Variants in RFPL2 observed in about 807,000 individuals in gnomAD.
The protein encoded by RFPL2 is ret finger protein-like 2.
A neutral mutation model predicts 17.8 loss-of-function variants in RFPL2; 13 were observed. That is an observed-to-expected ratio of 0.73 (90% CI 0.47 to 1.16). The LOEUF (loss-of-function observed/expected upper bound fraction) is 1.16, where lower values mean the gene tolerates loss of function less well. RFPL2 is among the 50% of genes most tolerant of loss of function. The pLI, the probability that RFPL2 is intolerant of heterozygous loss-of-function variation, is 0.00. For missense variants in RFPL2, 431 were observed against 479.3 expected (o/e 0.90, Z 0.94); for synonymous variants, 189 against 180.9 (o/e 1.04, Z -0.36).
At chr22:32,202,967 G>T (rs1206302684) in intron 1 of RFPL2, 1 of 985,812 alleles carries the variant, frequency 1.0e-6, no homozygotes, top group Non-Finnish European at 1.2e-6. Flanking sequence ...AGCACCACGG[G>T]GCTGGGGCCC....
intron 2 of RFPL2, among the ~76,000 whole-genome samples, chr22:32,196,438 G>A (rs1019961618): frequency 7.9e-5 from 12 of 152,326 alleles, no homozygotes; most frequent in African/African-American, 2.9e-4. Context: ...GGGATTCAGT[G>A]TCTGAGCAAG....
At chr22:32,191,998 C>T (rs1922709241) in intron 4 of RFPL2, among the ~76,000 whole-genome samples, 1 of 152,000 alleles carries the variant, frequency 6.6e-6, no homozygotes, top group Admixed American at 6.6e-5. Flanking sequence ...TTATAGATTA[C>T]AGTAAGACTT....
chr22:32,197,123 G>A (rs1245397417), intron 2 of RFPL2, among the ~76,000 whole-genome samples: 1 of 152,154 alleles, frequency 6.6e-6, no homozygotes, highest in Non-Finnish European at 1.5e-5. Flanking sequence ...ATTAATCACA[G>A]GACAGATACT....
intron 2 of RFPL2, chr22:32,199,794 G>A (rs1040349006): frequency 8.9e-6 from 3 of 335,900 alleles, no homozygotes; most frequent in Non-Finnish European, 1.7e-5. Context: ...CTGAGACACT[G>A]TGGACCATGT....
intron 3 of RFPL2, 88 bp from the exon 4 acceptor site, chr22:32,193,280 G>A (rs3959624): frequency 6.2e-7 from 1 of 1,607,816 alleles, no homozygotes. Flanking sequence ...TTCATGCATA[G>A]AGGTATTGTG....
intron 2 of RFPL2, 27 bp downstream of exon 2, chr22:32,202,306 T>G: frequency 6.4e-7 from 1 of 1,567,222 alleles, no homozygotes; most frequent in Non-Finnish European, 8.7e-7. Flanking sequence ...CCTGGAGCAA[T>G]GCGGAAAACC....
chr22:32,203,083 C>G, intron 1 of RFPL2: 3 of 985,824 alleles, frequency 3.0e-6, no homozygotes, highest in South Asian at 4.7e-5. Flanking sequence ...ACCGCTGTCA[C>G]TGACACCTCC....
intron 2 of RFPL2, among the ~76,000 whole-genome samples, chr22:32,195,558 C>A (rs1285959519): frequency 6.6e-6 from 1 of 152,010 alleles, no homozygotes; most frequent in Non-Finnish European, 1.5e-5. Flanking sequence ...TGGGCTCAAG[C>A]AATTCTCCTG....
intron 2 of RFPL2, 102 bp downstream of exon 2, chr22:32,202,231 C>A: frequency 7.0e-7 from 1 of 1,428,894 alleles, no homozygotes; most frequent in Non-Finnish European, 9.5e-7. Context: ...TCCCTCCATC[C>A]CCACATCTCC....
rs774796078 is a variant in RFPL2 at position 32,192,903 on chromosome 22, T to C, written c.555A>G (p.Gln185=). The change falls in exon 4 of 5, where the codon CAA becomes CAG. Residue 185 remains glutamine (Q), a splice_region_variant and synonymous_variant. Coordinates refer to ENST00000652607, the MANE Select transcript of RFPL2 (RefSeq NM_001394555.1). The stretch of plus-strand genomic sequence containing the variant: ...GGGCAGGGTATACAGATGCCTTACC[T>C]TGGAACTTCCGCATCCTTGGGTTCA... ...LQMNPRMRKF[Q]VDMTLDANTA... is the part of the protein sequence containing the mutation. 2 of 1,608,936 alleles carry C rather than the reference T, an allele frequency of 1.2e-6. No individual in the cohort carries two copies. The highest frequency in any genetic ancestry group is 2.2e-5 in the South Asian group (2 of 90,044).
Position 32,205,062 on chromosome 22 carries a change from C to A in RFPL2, c.-455G>T, listed in dbSNP as rs1420239347. On this transcript the variant is annotated 5_prime_UTR_variant, in exon 1 of 5. Coordinates refer to ENST00000652607, the MANE Select transcript of RFPL2 (RefSeq NM_001394555.1). ...TTCCAGGCTCATCTGCGTCGGCCTG[C>A]GTAGCTGCTCTGTGCCCGGCTTAGA... 6.6e-6 allele frequency: 1 copy of A among 152,314 alleles called. No homozygotes were observed. The highest frequency in any genetic ancestry group is 2.4e-5 in the African/African-American group (1 of 41,462). The allele number at this position is 152,314 out of a possible 1,614,324, so 9.4% of individuals were successfully genotyped here.
Position 32,202,483 on chromosome 22 carries a change from C to T in RFPL2, c.-32G>A. 2 of 1,562,062 alleles carry T rather than the reference C, an allele frequency of 1.3e-6. No homozygotes were observed. Among genetic ancestry groups the T allele is most frequent in the South Asian group, 1.2e-5 (1 of 84,598 alleles). Reference sequence around the variant, plus strand: ...CAAATCATGGTGCCACAGGCTCTAGCCTCCAGCCCGTGGCATGTAGCTCCT... The same window carrying T: ...CAAATCATGGTGCCACAGGCTCTAGTCTCCAGCCCGTGGCATGTAGCTCCT... On this transcript the variant is annotated 5_prime_UTR_variant, in exon 2 of 5. Transcript: ENST00000652607.
chr22:32,195,699 C>A (rs1427799315), intron 2 of RFPL2, among the ~76,000 whole-genome samples: 2 of 152,172 alleles, frequency 1.3e-5, no homozygotes, highest in East Asian at 1.9e-4. Context: ...TTCAGGTAAC[C>A]CGCCCGCCTT....
chr22:32,193,487 A>C, intron 3 of RFPL2: 2 of 1,423,858 alleles, frequency 1.4e-6, no homozygotes, highest in East Asian at 2.6e-5. Context: ...GGCAGCACCC[A>C]TGTGAGGAAC....
At position 32,202,541 on chromosome 22, in the gene RFPL2, C is replaced by T; in HGVS notation, c.-90G>A. ...GCACTGGGCATCCGGGCAGACAAAG[C>T]CAGAAAAGCCTAGAACAGGATGCAG... On this transcript the variant is annotated 5_prime_UTR_variant, in exon 2 of 5. An upstream open reading frame in the 5' UTR gains an earlier in-frame stop. Transcript: ENST00000652607. 18 of 1,529,928 alleles carry T rather than the reference C, an allele frequency of 1.2e-5. 1 individual carries two copies. The South Asian group carries it at 1.2e-4, about 10-fold the overall frequency. The allele number at this position is 1,529,928 out of a possible 1,614,324, so 94.8% of individuals were successfully genotyped here.
Position 32,194,449 on chromosome 22 carries a change from C to G in RFPL2, c.161G>C (p.Gly54Ala). Residue 54 changes from glycine to alanine, a missense_variant, in exon 3 of 5, where the codon GGA becomes GCA. Physicochemically the swap from Gly to Ala is moderately conservative, Grantham distance 60. Coordinates refer to ENST00000652607, the MANE Select transcript of RFPL2 (RefSeq NM_001394555.1). Reference protein sequence around the residue: ...LEGVEGRDPVGGGNLTNKRPS... With the variant: ...LEGVEGRDPVAGGNLTNKRPS... ...CCTTTTATTGGTGAGATTCCCACCT[C>G]CCACTGGGTCACGCCCTTCCACACC... is the stretch of plus-strand genomic sequence containing the variant. 6.2e-7 allele frequency: 1 copy of G among 1,611,622 alleles called. No homozygotes were observed. The highest frequency in any genetic ancestry group is 8.5e-7 in the Non-Finnish European group (1 of 1,179,248).
chr22:32,194,948 C>A (rs1284752065), intron 2 of RFPL2, among the ~76,000 whole-genome samples: 1 of 152,080 alleles, frequency 6.6e-6, no homozygotes, highest in Non-Finnish European at 1.5e-5. Context: ...GACCATTAAG[C>A]TTCTTGGACC....
rs77803210 is a variant in RFPL2, at chr22:32,198,733, C to T, written c.119+3600G>A. Among the ~76,000 whole-genome samples the T allele has an allele frequency of 1.2e-4, 18 of 152,136 alleles. No homozygotes were observed. The East Asian group carries it at 3.5e-3, about 30-fold the overall frequency. On this transcript the variant is annotated intron_variant, in intron 2 of 4. Transcript: ENST00000652607. Reference sequence around the variant, plus strand: ...GCCCGGGCCCTGGGCAAAGACCTCTCCCCTCCCTGTTCAGATCCCTGCCTC... The same window carrying T: ...GCCCGGGCCCTGGGCAAAGACCTCTTCCCTCCCTGTTCAGATCCCTGCCTC...
At chr22:32,191,919 G>GA (rs136476) in intron 4 of RFPL2, among the ~76,000 whole-genome samples, 61,708 of 148,412 alleles carry the variant, frequency 0.42, 13,017 homozygotes, top group Non-Finnish European at 0.46. Flanking sequence ...AGAACATTCT[G>GA]AAAAAAAAAA....
Sources: allele counts gnomAD v4.1 joint callset (sites outside exome capture counted in the v4.1 genomes callset), GRCh38; gene constraint gnomAD v4.1.1; transcripts MANE v1.5; gene names NCBI Gene and HGNC (gene_info 2026-07-23, HGNC 2026-07-21).